CELF2: variants seen among roughly 807,000 people sequenced by gnomAD.
CELF2 encodes CUGBP Elav-like family member 2.
CELF2 carries 8 observed loss-of-function variants against 62.6 expected under a neutral mutation model. The observed-to-expected ratio is 0.13, with a 90% CI of 0.07 to 0.23. CELF2 has a LOEUF of 0.23. CELF2 is among the 10% of genes least tolerant of loss of function. CELF2 has a pLI of 1.00. For missense variants in CELF2, 333 were observed against 671.0 expected (o/e 0.50, Z 5.56); for synonymous variants, 258 against 250.0 (o/e 1.03, Z -0.30).
rs535539584 is a variant in CELF2 at position 10,932,577 on chromosome 10, G to C, written c.89+12578G>C. On this transcript the variant is annotated intron_variant, in intron 2 of 13. Coordinates refer to the CELF2 transcript ENST00000636488. The stretch of plus-strand genomic sequence containing the variant: ...TAATAAATTAGTTAATTAAATAAAA[G>C]AACCAAATGGTTCAAAAGTAGGAAT... Among the ~76,000 whole-genome samples, 12 of 152,078 alleles carry C rather than the reference G, an allele frequency of 7.9e-5. No individual in the cohort carries two copies. The East Asian group carries it at 1.9e-3, about 24-fold the overall frequency.
At chr10:10,695,776 C>T in the CELF2 span, among the ~76,000 whole-genome samples, 1 of 152,078 alleles carries the variant, frequency 6.6e-6, no homozygotes, top group Non-Finnish European at 1.5e-5. Flanking sequence ...ATTGCTGATA[C>T]CCTTTCTTCC....
intron 1 of CELF2, among the ~76,000 whole-genome samples, chr10:10,847,975 A>C (rs1446948133): frequency 1.3e-5 from 2 of 152,186 alleles, no homozygotes; most frequent in Non-Finnish European, 2.9e-5. Flanking sequence ...AGATTATCAA[A>C]GCACATATAG....
the CELF2 span, among the ~76,000 whole-genome samples, chr10:10,687,403 A>G: frequency 1.3e-5 from 2 of 150,314 alleles, no homozygotes; most frequent in South Asian, 4.1e-4. Context: ...AAAATTATCA[A>G]ATACTATTGA....
chr10:10,748,499 A>T, the CELF2 span, among the ~76,000 whole-genome samples: 2 of 152,162 alleles, frequency 1.3e-5, no homozygotes, highest in Non-Finnish European at 2.9e-5. Flanking sequence ...CTGTAATCCC[A>T]GCACTTTGGG....
At chr10:10,781,714 G>A in the CELF2 span, among the ~76,000 whole-genome samples, 1 of 152,172 alleles carries the variant, frequency 6.6e-6, no homozygotes, top group African/African-American at 2.4e-5. Flanking sequence ...GCCTAGGTGT[G>A]TATTAGGCTC....
At chr10:10,756,229 C>G in the CELF2 span, among the ~76,000 whole-genome samples, 1 of 152,292 alleles carries the variant, frequency 6.6e-6, no homozygotes, top group Non-Finnish European at 1.5e-5. Context: ...GACTATTACA[C>G]TTTTCAGGTC....
the CELF2 span, among the ~76,000 whole-genome samples, chr10:10,774,047 G>T: frequency 1.4e-4 from 21 of 152,318 alleles, no homozygotes; most frequent in Non-Finnish European, 2.6e-4. Flanking sequence ...GGCCAAGATT[G>T]TTGCTGCTGG....
At chr10:11,193,839 T>G (rs938779114) in intron 2 of CELF2, among the ~76,000 whole-genome samples, 2 of 152,174 alleles carry the variant, frequency 1.3e-5, no homozygotes, top group Non-Finnish European at 2.9e-5. Context: ...TGACGCTTCA[T>G]GTTTATAGAT....
chr10:11,316,756 C>G lies in CELF2; in HGVS notation c.1096+2498C>G, dbSNP rs2095026971. 6.6e-6 allele frequency: 1 copy of G among 152,120 alleles called. No homozygotes were observed. Among genetic ancestry groups the G allele is most frequent in the African/African-American group, 2.4e-5 (1 of 41,344 alleles). 9.4% of individuals were successfully genotyped at this position (152,120 alleles called of 1,614,324 possible). Reference sequence around the variant, plus strand: ...CTCACCAGAGCCAACATTTTACCCTCTTTCCTGCCCAAGAGCCCAGCACCT... The same window carrying G: ...CTCACCAGAGCCAACATTTTACCCTGTTTCCTGCCCAAGAGCCCAGCACCT... On this transcript the variant is annotated intron_variant, in intron 10 of 12. Coordinates refer to ENST00000633077, the MANE Select transcript of CELF2 (RefSeq NM_001326342.2). This position sits in a 1 kb window ranked among gnomAD's most constrained non-coding sequence, Gnocchi z 4.4.
intron 1 of CELF2, among the ~76,000 whole-genome samples, chr10:11,109,786 AT>A (rs1311854656): frequency 5.9e-5 from 9 of 152,120 alleles, no homozygotes; most frequent in Admixed American, 5.9e-4. Flanking sequence ...CAGGCCGGTT[AT>A]TTAACTCCTG....
intron 1 of CELF2, among the ~76,000 whole-genome samples, chr10:10,809,932 C>T (rs572821227): frequency 6.6e-6 from 1 of 151,962 alleles, no homozygotes; most frequent in Non-Finnish European, 1.5e-5. Context: ...TTTTATTGAA[C>T]CAACAATATT....
chr10:10,514,645 G>T, the CELF2 span, among the ~76,000 whole-genome samples: 2 of 152,184 alleles, frequency 1.3e-5, no homozygotes, highest in East Asian at 3.9e-4. Flanking sequence ...GTGGCAAGAA[G>T]AACGATTTGG....
intron 1 of CELF2, among the ~76,000 whole-genome samples, chr10:11,040,289 G>C (rs2139426022): frequency 6.6e-6 from 1 of 152,236 alleles, no homozygotes; most frequent in South Asian, 2.1e-4. Context: ...ACAGTGTTTT[G>C]GAGAAGAAGC....
At chr10:10,845,226 T>C (rs900663162) in intron 1 of CELF2, among the ~76,000 whole-genome samples, 1 of 151,728 alleles carries the variant, frequency 6.6e-6, no homozygotes, top group African/African-American at 2.4e-5. Context: ...GGGCCTCAAA[T>C]GGGAGATCTG....
Position 11,328,604 on chromosome 10 carries a change from T to C in CELF2, c.1439-322T>C, listed in dbSNP as rs1278411875. On this transcript the variant is annotated intron_variant, in intron 12 of 12. Coordinates refer to ENST00000633077, the MANE Select transcript of CELF2 (RefSeq NM_001326342.2). This position sits in a 1 kb window ranked among gnomAD's most constrained non-coding sequence, Gnocchi z 6.4. ...TCTTTTGGAGAGATACTAAAGGACT[T>C]GAAACACAATGATTTGAGCGAGTTC... Among the ~76,000 whole-genome samples the C allele has an allele frequency of 6.6e-6, 1 of 152,224 alleles. No individual in the cohort carries two copies. The highest frequency in any genetic ancestry group is 2.1e-4 in the South Asian group (1 of 4,830).
intron 5 of CELF2, among the ~76,000 whole-genome samples, chr10:11,261,890 G>A (rs1015805301): frequency 2.0e-5 from 3 of 152,132 alleles, no homozygotes; most frequent in South Asian, 2.1e-4. Flanking sequence ...GTGCTTGATC[G>A]ACAGCATCAC....
chr10:10,585,544 G>A, the CELF2 span, among the ~76,000 whole-genome samples: 2 of 152,224 alleles, frequency 1.3e-5, no homozygotes, highest in Admixed American at 1.3e-4. Context: ...TGGAAGTGCA[G>A]TATTTGTGCA....
At chr10:10,805,393 C>T (rs2055110612) in intron 1 of CELF2, among the ~76,000 whole-genome samples, 1 of 152,176 alleles carries the variant, frequency 6.6e-6, no homozygotes, top group African/African-American at 2.4e-5. Flanking sequence ...TTTTGCACCA[C>T]GTAATTTTTC....
At chr10:11,295,417 A>G (rs988612879) in intron 9 of CELF2, among the ~76,000 whole-genome samples, 2 of 152,232 alleles carry the variant, frequency 1.3e-5, no homozygotes, top group Non-Finnish European at 2.9e-5. Flanking sequence ...TATAAATTGT[A>G]ACTTCTACAC....
Sources: gnomAD v4.1 joint callset for allele counts (sites outside exome capture counted in the v4.1 genomes callset) on GRCh38, gnomAD v4.1.1 for gene constraint, Gnocchi (gnomAD v3.1) non-coding constraint, MANE v1.5 for transcripts, NCBI Gene and HGNC (gene_info 2026-07-23, HGNC 2026-07-21) for gene names.